The following DENND2B variants were observed in gnomAD, a reference collection of about 807,000 sequenced individuals.
The protein encoded by DENND2B is DENN domain-containing protein 2B.
In DENND2B, 32 loss-of-function variants were observed where a neutral mutation model predicts 116.0. The ratio of observed to expected loss-of-function variants is 0.28; its 90% CI spans 0.21 to 0.37. The LOEUF (loss-of-function observed/expected upper bound fraction) is 0.37, where lower values mean the gene tolerates loss of function less well. DENND2B is among the 10% of genes least tolerant of loss of function. The pLI, the probability that DENND2B is intolerant of heterozygous loss-of-function variation, is 1.00. For synonymous variants in DENND2B, 588 were observed against 583.9 expected (o/e 1.01, Z -0.10); for missense variants, 1,276 against 1,477.7 (o/e 0.86, Z 2.24).
chr11:8,782,163 G>A (rs1051354092), intron 1 of DENND2B, among the ~76,000 whole-genome samples: 1 of 152,006 alleles, frequency 6.6e-6, no homozygotes, highest in Non-Finnish European at 1.5e-5. Flanking sequence ...CCATATAATG[G>A]TGCATTATAC....
In DENND2B at chr11:8,820,738, GC is replaced by G. The variant is rs774972987; in HGVS notation, c.-114-9404del. On this transcript the variant is annotated intron_variant, in intron 4 of 6. Transcript: ENST00000524757. Reference sequence around the variant, plus strand: ...AAATTAAGAAAACGAAGTACATAGAGCCCCACTAAACTGATTTCCTGACCCA... The same window carrying G: ...AAATTAAGAAAACGAAGTACATAGAGCCCACTAAACTGATTTCCTGACCCA... 9.2e-5 allele frequency among the ~76,000 whole-genome samples: 14 copies of G among 152,212 alleles called. No homozygotes were observed. In the East Asian group the frequency reaches 1.5e-3, roughly 17 times the overall value.
chr11:8,816,546 G>C (rs1203490524), intron 4 of DENND2B, among the ~76,000 whole-genome samples: 1 of 128,300 alleles, frequency 7.8e-6, no homozygotes, highest in Non-Finnish European at 1.7e-5. Flanking sequence ...GCAAAACTGT[G>C]TCTCAAAAAA....
rs199945684 is a variant in DENND2B at position 8,715,738 on chromosome 11, G to A, written c.1710C>T (p.Pro570=). Residue 570 remains proline (P), a synonymous_variant, in exon 6 of 20, where the codon CCC becomes CCT. Transcript: ENST00000313726. ...ERKSHRLPRL[P]KRHSHDDMLL... The stretch of plus-strand genomic sequence containing the variant: ...GCATGTCGTCATGGCTGTGCCTCTT[G>A]GGTAATCGTGGCAGCCGGTGGCTCT... 12 of 1,614,178 alleles carry A rather than the reference G, an allele frequency of 7.4e-6. No homozygotes were observed. The African/African-American group carries it at 1.5e-4, about 20-fold the overall frequency.
At chr11:8,845,333 T>A (rs1272919986) in intron 3 of DENND2B, 1 of 152,208 alleles carries the variant, frequency 6.6e-6, no homozygotes, top group Non-Finnish European at 1.5e-5. Context: ...CAGGCCCCGT[T>A]AGTACTTGAA....
intron 1 of DENND2B, among the ~76,000 whole-genome samples, chr11:8,898,617 T>C (rs1418354386): frequency 3.3e-5 from 5 of 152,188 alleles, no homozygotes; most frequent in Non-Finnish European, 1.5e-5. Flanking sequence ...ATGGCCCAAT[T>C]ATGGCCTACT....
At chr11:8,703,605 C>T (rs757919773) in intron 13 of DENND2B, 3 of 152,344 alleles carry the variant, frequency 2.0e-5, no homozygotes, top group Admixed American at 6.5e-5. Context: ...TGCAGGCCTC[C>T]TGAAAACTAG....
rs967887723 is a variant in DENND2B at position 8,712,135 on chromosome 11, C to T, written c.2172+416G>A. The T allele has an allele frequency of 2.6e-5, 10 of 386,308 alleles. No homozygotes were observed. Among genetic ancestry groups the T allele is most frequent in the Non-Finnish European group, 1.6e-5 (3 of 190,026 alleles). The allele number at this position is 386,308 out of a possible 1,614,324, so 23.9% of individuals were successfully genotyped here. A position where few individuals can be genotyped will look rare whatever the true frequency, so the allele number is the denominator to read the frequency against. On this transcript the variant is annotated intron_variant, in intron 9 of 19. Coordinates refer to ENST00000313726, the MANE Select transcript of DENND2B (RefSeq NM_213618.2). The surrounding 1 kb of genome is among the most constrained non-coding windows in gnomAD (Gnocchi z 4.4). ...CAAGCAGGGAAGGCGGAGTGAGAGA[C>T]AGGCTGGTGGGAGAAGTGCGGAGTG...
At chr11:8,756,424 C>A (rs2053619112) in intron 1 of DENND2B, among the ~76,000 whole-genome samples, 1 of 152,142 alleles carries the variant, frequency 6.6e-6, no homozygotes, top group African/African-American at 2.4e-5. Context: ...GCTTCCAGGC[C>A]CATGACAGGG....
At chr11:8,858,233 G>GA (rs2063264151) in intron 2 of DENND2B, among the ~76,000 whole-genome samples, 1 of 152,076 alleles carries the variant, frequency 6.6e-6, no homozygotes, top group South Asian at 2.1e-4. Context: ...AATATTTAAA[G>GA]AAAACCTTCC....
intron 1 of DENND2B, among the ~76,000 whole-genome samples, chr11:8,796,159 G>A (rs909538099): frequency 1.3e-5 from 2 of 152,186 alleles, no homozygotes; most frequent in South Asian, 2.1e-4. Context: ...ACCAAGGAAT[G>A]AGAGTTTATA....
intron 1 of DENND2B, among the ~76,000 whole-genome samples, chr11:8,806,639 C>CACACACACA (rs1565991413): frequency 4.1e-5 from 6 of 147,658 alleles, no homozygotes; most frequent in Non-Finnish European, 6.0e-5. Context: ...CACACACACA[C>CACACACACA]CCAGGAGAGC....
At chr11:8,715,901 G>T (rs1046425921) in intron 5 of DENND2B, 83 bp from the exon 6 acceptor site, 1 of 1,329,988 alleles carries the variant, frequency 7.5e-7, no homozygotes, top group Non-Finnish European at 1.0e-6. Context: ...GGGACACAGA[G>T]GCCAAGGGCC....
At chr11:8,836,413 CTTTT>C (rs67181023) in intron 4 of DENND2B, among the ~76,000 whole-genome samples, 9 of 77,554 alleles carry the variant, frequency 1.2e-4, no homozygotes, top group African/African-American at 3.0e-4. Flanking sequence ...TTCTGTACTT[CTTTT>C]TTTTTTTTTT....
Position 8,791,055 on chromosome 11 carries a change from A to G in DENND2B, c.-26+19462T>C, listed in dbSNP as rs567753233. ...AAAAACCTTCCTGAATCTGTTCCCA[A>G]AGCAGCTCCATTTCCTCACACCTTT... On this transcript the variant is annotated intron_variant, in intron 1 of 19. Transcript: ENST00000313726. Among the ~76,000 whole-genome samples the G allele has an allele frequency of 1.3e-3, 192 of 152,258 alleles. 1 individual carries two copies. The highest frequency in any genetic ancestry group is 4.4e-3 in the African/African-American group (184 of 41,554).
intron 4 of DENND2B, among the ~76,000 whole-genome samples, chr11:8,831,250 A>G (rs1315540138): frequency 6.6e-6 from 1 of 152,156 alleles, no homozygotes; most frequent in East Asian, 1.9e-4. Flanking sequence ...TGGGTGTAAA[A>G]TGGGGAGGAT....
chr11:8,759,004 G>A (rs954722529), intron 1 of DENND2B, among the ~76,000 whole-genome samples: 4 of 152,124 alleles, frequency 2.6e-5, no homozygotes, highest in South Asian at 2.1e-4. Flanking sequence ...CAGACCTCCC[G>A]GAAGGCTGAC....
chr11:8,841,119 C>A (rs2062608451), intron 3 of DENND2B, among the ~76,000 whole-genome samples: 2 of 152,154 alleles, frequency 1.3e-5, no homozygotes, highest in African/African-American at 4.8e-5. Context: ...TCTAACCTAA[C>A]TATATAATAG....
chr11:8,850,588 G>C (rs2062970877), intron 3 of DENND2B, among the ~76,000 whole-genome samples: 1 of 151,856 alleles, frequency 6.6e-6, no homozygotes, highest in South Asian at 2.1e-4. Flanking sequence ...ATATAAAGTG[G>C]TACAGCCATT....
At chr11:8,739,490 T>G (rs1430176280) in intron 2 of DENND2B, among the ~76,000 whole-genome samples, 2 of 152,212 alleles carry the variant, frequency 1.3e-5, no homozygotes, top group African/African-American at 4.8e-5. Context: ...AATCATTCCA[T>G]AAAGGTAAAA....
Sources: gnomAD v4.1 joint callset for allele counts (sites outside exome capture counted in the v4.1 genomes callset) on GRCh38, gnomAD v4.1.1 for gene constraint, Gnocchi (gnomAD v3.1) non-coding constraint, MANE v1.5 for transcripts, NCBI Gene and HGNC (gene_info 2026-07-23, HGNC 2026-07-21) for gene names.